Variants in BTBD3 observed in about 807,000 individuals in gnomAD.
BTBD3 encodes the protein BTB/POZ domain-containing protein 3.
Under a neutral mutation model 41.6 loss-of-function variants are expected in BTBD3, and 14 were observed. That is an observed-to-expected ratio of 0.34 (90% CI 0.22 to 0.53). BTBD3 has a LOEUF of 0.53. Ranked by LOEUF, BTBD3 falls within the 20% of genes least tolerant of loss-of-function variation. The pLI, the probability that BTBD3 is intolerant of heterozygous loss-of-function variation, is 0.95. For synonymous variants in BTBD3, 249 were observed against 233.7 expected (o/e 1.07, Z -0.60); for missense variants, 426 against 654.7 (o/e 0.65, Z 3.81).
At chr20:11,919,515 A>G in intron 2 of BTBD3, 1 of 1,203,706 alleles carries the variant, frequency 8.3e-7, no homozygotes, top group Non-Finnish European at 1.1e-6. Context: ...ATGTGCATTA[A>G]TCTCTTAAAG....
At chr20:11,893,035 C>A (rs569405195) in intron 1 of BTBD3, among the ~76,000 whole-genome samples, 1 of 150,368 alleles carries the variant, frequency 6.7e-6, no homozygotes, top group Admixed American at 6.7e-5. Flanking sequence ...ACACATGCAT[C>A]CAAAGATCAA....
Position 11,923,442 on chromosome 20 carries a change from A to G in BTBD3, c.1345A>G (p.Asn449Asp). The G allele has an allele frequency of 6.2e-7, 1 of 1,614,208 alleles. No individual in the cohort carries two copies. Among genetic ancestry groups the G allele is most frequent in the Non-Finnish European group, 8.5e-7 (1 of 1,180,030 alleles). Residue 449 changes from asparagine to aspartate, a missense_variant, in exon 4 of 4, where the codon AAT (asparagine) becomes GAT (aspartate). Asn to Asp is a conservative substitution (Grantham distance 23). This residue lies in a region of BTBD3 where 321 missense variants were observed against 534.8 expected (regional missense o/e 0.60). Transcript: ENST00000378226. The surrounding 1 kb of genome is among the most constrained non-coding windows in gnomAD (Gnocchi z 5.3). ...CAAGTACTTCTCAGATGGGTCCAGC[A>G]ATACCTTTCCCGTATGGTTTGAATA... ...LSKYFSDGSS[N>D]TFPVWFEYPV...
rs1464784993 is a variant in BTBD3, at chr20:11,919,600, G to C, written c.418-118G>C. The C allele has an allele frequency of 2.5e-6, 3 of 1,222,162 alleles. No homozygotes were observed. The East Asian group carries it at 7.1e-5, about 29-fold the overall frequency. 75.7% of individuals were successfully genotyped at this position (1,222,162 alleles called of 1,614,324 possible). The stretch of plus-strand genomic sequence containing the variant: ...TGTGTACCTTGGCTTTTTCAAAGCA[G>C]TAGATTTTAGGTACGCTATGTTTAC... On this transcript the variant is annotated intron_variant, in intron 2 of 3. Transcript: ENST00000378226.
At chr20:11,891,095 C>T (rs533888341) in intron 1 of BTBD3, 1 of 536,294 alleles carries the variant, frequency 1.9e-6, no homozygotes. Flanking sequence ...GGCCGCAGGT[C>T]GGCCTCGGAC....
upstream of BTBD3, among the ~76,000 whole-genome samples, chr20:11,915,347 T>C (rs994797072): frequency 6.6e-6 from 1 of 152,186 alleles, no homozygotes; most frequent in African/African-American, 2.4e-5. Flanking sequence ...TGTGAGGGGT[T>C]GTTAAGTTTT....
intron 1 of BTBD3, among the ~76,000 whole-genome samples, chr20:11,899,922 A>G (rs2056813784): frequency 6.6e-6 from 1 of 152,262 alleles, no homozygotes; most frequent in Non-Finnish European, 1.5e-5. Flanking sequence ...GTGTTTAGAA[A>G]TGGATAAGCC....
upstream of BTBD3, chr20:11,913,541 T>C (rs2056901589): frequency 6.6e-6 from 1 of 152,192 alleles, no homozygotes; most frequent in Non-Finnish European, 1.5e-5. Context: ...AGGTAATTAC[T>C]GTGAGTGAAT....
At chr20:11,919,925 CAG>C (rs1204070698) in intron 3 of BTBD3, 89 bp downstream of exon 3, 1 of 1,143,184 alleles carries the variant, frequency 8.7e-7, no homozygotes, top group Non-Finnish European at 1.3e-6. Context: ...TTCTGCATAA[CAG>C]AAAAGAAGAC....
intron 1 of BTBD3, among the ~76,000 whole-genome samples, chr20:11,895,299 A>G (rs894781851): frequency 9.9e-5 from 15 of 152,184 alleles, no homozygotes; most frequent in African/African-American, 3.6e-4. Context: ...TAACATTACA[A>G]TTCTATGCCC....
chr20:11,922,720 T>C lies in BTBD3; in HGVS notation c.623T>C (p.Leu208Pro). The change falls in exon 4 of 4, where the codon CTT becomes CCT. Residue 208 changes from leucine to proline, a missense_variant. This residue lies in a region of BTBD3 where 321 missense variants were observed against 534.8 expected (regional missense o/e 0.60). Coordinates refer to ENST00000378226, the MANE Select transcript of BTBD3 (RefSeq NM_014962.4). ...YAAKKYIVPH[L>P]ARACVNFLET... ...GCCAAAAAGTACATTGTCCCTCACC[T>C]TGCCAGAGCCTGTGTTAATTTCCTG... 1 of 1,614,246 alleles carries C rather than the reference T, an allele frequency of 6.2e-7. No homozygotes were observed. Among genetic ancestry groups the C allele is most frequent in the Non-Finnish European group, 8.5e-7 (1 of 1,180,050 alleles).
chr20:11,901,663 C>T (rs916218642), intron 1 of BTBD3, among the ~76,000 whole-genome samples: 3 of 152,120 alleles, frequency 2.0e-5, no homozygotes, highest in South Asian at 2.1e-4. Flanking sequence ...TAAGTGATCC[C>T]CCCAAAATGT....
Position 11,925,194 on chromosome 20 carries a change from TG to T in BTBD3, c.*1532del, listed in dbSNP as rs1489728863. On this transcript the variant is annotated 3_prime_UTR_variant, in exon 4 of 4. Transcript: ENST00000378226. ...CTTGTCTGGAGCCAGGAGTTAGTCC[TG>T]GGGTGTGTGTGTGCCTGCGCACCCA... The T allele has an allele frequency of 6.5e-6, 1 of 152,692 alleles. No homozygotes were observed. The highest frequency in any genetic ancestry group is 1.5e-5 in the Non-Finnish European group (1 of 68,062). The allele number at this position is 152,692 out of a possible 1,614,324, so 9.5% of individuals were successfully genotyped here.
chr20:11,919,160 G>T lies in BTBD3; in HGVS notation c.401G>T (p.Arg134Leu), dbSNP rs1482085700. The T allele has an allele frequency of 6.2e-7, 1 of 1,613,664 alleles. No homozygotes were observed. Reference sequence around the variant, plus strand: ...GTTGGGCCACCAGGTGGGACTCAACGGTTGCCAGGACACAAAGTAAGCAAC... The same window carrying T: ...GTTGGGCCACCAGGTGGGACTCAACTGTTGCCAGGACACAAAGTAAGCAAC... ...FVVGPPGGTQ[R>L]LPGHKYVLAV... Residue 134 changes from arginine (R) to leucine (L), a missense_variant, in exon 2 of 4, where the codon CGG (arginine) becomes CTG (leucine). Physicochemically the swap from Arg to Leu is moderately radical, Grantham distance 102. Around this residue, in one of 3 missense-constraint regions of BTBD3, gnomAD observed 321 missense variants for 534.8 expected, o/e 0.60. Coordinates refer to ENST00000378226, the MANE Select transcript of BTBD3 (RefSeq NM_014962.4).
chr20:11,919,385 C>T (rs2056945835), intron 2 of BTBD3: 1 of 1,406,520 alleles, frequency 7.1e-7, no homozygotes, highest in African/African-American at 1.4e-5. Context: ...CTCACACATC[C>T]CCTCTTAACT....
intron 1 of BTBD3, among the ~76,000 whole-genome samples, chr20:11,908,617 G>A (rs1298180157): frequency 1.3e-5 from 2 of 151,866 alleles, no homozygotes; most frequent in South Asian, 2.1e-4. Flanking sequence ...TTATATAGTA[G>A]CTCTTAATTA....
rs3834758 is a variant in BTBD3 at position 11,908,321 on chromosome 20, G to GTTTTTTTTTTTTTT, written c.-125-10008_-125-9995dup. On this transcript the variant is annotated intron_variant, in intron 1 of 4. Coordinates refer to the BTBD3 transcript ENST00000254977. ...ATGGTGGAGTGGTTGCTTCTCTGTG[G>GTTTTTTTTTTTTTT]TTTTTTTTTTTTTTTTTTAAATAAG... Among the ~76,000 whole-genome samples the GTTTTTTTTTTTTTT allele has an allele frequency of 2.5e-4, 19 of 77,068 alleles. 3 individuals carry two copies. The highest frequency in any genetic ancestry group is 7.8e-4 in the African/African-American group (16 of 20,608). The allele number at this position is 77,068 out of a possible 152,430, so 50.6% of individuals were successfully genotyped here.
intron 1 of BTBD3, chr20:11,909,971 A>G (rs2056879418): frequency 6.6e-6 from 1 of 152,188 alleles, no homozygotes; most frequent in African/African-American, 2.4e-5. Context: ...GAGTGACTAA[A>G]GGTATAGAAC....
upstream of BTBD3, among the ~76,000 whole-genome samples, chr20:11,912,977 C>A (rs896970438): frequency 3.9e-5 from 6 of 152,148 alleles, no homozygotes; most frequent in Admixed American, 3.3e-4. Flanking sequence ...TTTTACCTCC[C>A]AAATCAAAAG....
Position 11,900,706 on chromosome 20 carries a change from C to CT in BTBD3, c.-126+9771dup, listed in dbSNP as rs33976204. 1.4e-3 allele frequency among the ~76,000 whole-genome samples: 153 copies of CT among 111,498 alleles called. 1 individual carries two copies. The East Asian group carries it at 0.016, about 12-fold the overall frequency. The allele number at this position is 111,498 out of a possible 152,430, so 73.1% of individuals were successfully genotyped here. ...AGTCAAATATAATAAAGTCCACCTA[C>CT]TTTTTTTTTTTTTTTTTTTGAGACA... On this transcript the variant is annotated intron_variant, in intron 1 of 4. Coordinates refer to the BTBD3 transcript ENST00000254977.
Sources: gnomAD v4.1 joint callset for allele counts (sites outside exome capture counted in the v4.1 genomes callset) on GRCh38, gnomAD v4.1.1 for gene constraint, gnomAD v4.1.1 regional missense constraint, Gnocchi (gnomAD v3.1) non-coding constraint, MANE v1.5 for transcripts, NCBI Gene and HGNC (gene_info 2026-07-23, HGNC 2026-07-21) for gene names.